NDE1: variants seen among roughly 807,000 people sequenced by gnomAD.
The protein encoded by NDE1 is nuclear distribution protein nudE homolog 1.
In NDE1, 28 loss-of-function variants were observed where a neutral mutation model predicts 43.4. The ratio of observed to expected loss-of-function variants is 0.65; its 90% confidence interval spans 0.48 to 0.89. The LOEUF is 0.89. Among genes scored for constraint, NDE1 ranks in the 40% least tolerant of loss-of-function variants. The pLI is 0.00. For missense variants in NDE1, 441 were observed against 434.1 expected, an observed-to-expected ratio of 1.02 and a Z score of -0.14; for synonymous variants, 184 against 172.0, an observed-to-expected ratio of 1.07 and a Z score of -0.55.
intron 4 of NDE1, among the ~76,000 whole-genome samples, chr16:15,678,469 A>G (rs971530770): frequency 2.6e-5 from 4 of 152,120 alleles, no homozygotes; most frequent in African/African-American, 9.7e-5. Context: ...GATTCAAGCA[A>G]TTCTCATGCC....
chr16:15,693,228 C>A (rs764850214), intron 6 of NDE1, among the ~76,000 whole-genome samples: 1 of 152,156 alleles, frequency 6.6e-6, no homozygotes, highest in Non-Finnish European at 1.5e-5. Flanking sequence ...TGGTCTTGAA[C>A]TCCTGACCTC....
At chr16:15,698,911 G>C (rs990139408) in intron 8 of NDE1, among the ~76,000 whole-genome samples, 1 of 151,972 alleles carries the variant, frequency 6.6e-6, no homozygotes, top group South Asian at 2.1e-4. Context: ...ACGAGACAGG[G>C]TTTTGCTGTG....
In NDE1 at chr16:15,718,914, G is replaced by C. The variant is rs138416045; in HGVS notation, c.948-5277G>C. The C allele has an allele frequency of 3.1e-3, 1,326 of 431,722 alleles. 14 individuals carry two copies. Among genetic ancestry groups the C allele is most frequent in the African/African-American group, 0.025 (1,261 of 49,694 alleles). 26.7% of individuals were successfully genotyped at this position (431,722 alleles called of 1,614,324 possible). On this transcript the variant is annotated intron_variant, in intron 8 of 8. Transcript: ENST00000396354. Reference sequence around the variant, plus strand: ...AGGCCAAGGTAGGAGGATCACCTAAGGTCAGGAGTTCAAGACTAGCCTGGC... The same window carrying C: ...AGGCCAAGGTAGGAGGATCACCTAACGTCAGGAGTTCAAGACTAGCCTGGC...
At chr16:15,693,903 G>A (rs1028141549) in intron 6 of NDE1, among the ~76,000 whole-genome samples, 6 of 152,282 alleles carry the variant, frequency 3.9e-5, no homozygotes, top group South Asian at 2.1e-4. Context: ...TCACATCACC[G>A]CACTCCAGTC....
chr16:15,674,292 A>G (rs544050419), intron 3 of NDE1, among the ~76,000 whole-genome samples: 10 of 152,016 alleles, frequency 6.6e-5, no homozygotes, highest in Non-Finnish European at 1.3e-4. Context: ...CGCCCAGACT[A>G]GAGAACAGTG....
rs538224201 is a variant in NDE1, at chr16:15,699,759, G to A, written c.947+2899G>A. 105 of 1,351,460 alleles carry A rather than the reference G, an allele frequency of 7.8e-5. No homozygotes were observed. The East Asian group carries it at 1.6e-3, about 21-fold the overall frequency. 83.7% of individuals were successfully genotyped at this position (1,351,460 alleles called of 1,614,324 possible). A position where few individuals can be genotyped will look rare whatever the true frequency, so the allele number is the denominator to read the frequency against. On this transcript the variant is annotated intron_variant, in intron 8 of 8. Transcript: ENST00000396354. ...GGAAGCGCCTGGAATTTGGGAAGCCGCCTTCACACATGTCTTCATCGCCGC... is the reference window on the plus strand; with the variant it reads ...GGAAGCGCCTGGAATTTGGGAAGCCACCTTCACACATGTCTTCATCGCCGC...
At chr16:15,681,283 T>TTTTTTTTC (rs1206651047) in intron 4 of NDE1, among the ~76,000 whole-genome samples, 1 of 135,660 alleles carries the variant, frequency 7.4e-6, no homozygotes, top group Non-Finnish European at 1.6e-5. Context: ...TTTTTTTTTT[T>TTTTTTTTC]GAGACTGGGC....
chr16:15,714,858 G>C, intron 8 of NDE1: 1 of 1,608,678 alleles, frequency 6.2e-7, no homozygotes, highest in Non-Finnish European at 8.5e-7. Flanking sequence ...AGCCCCCAGT[G>C]CTTTTCTCTG....
chr16:15,712,882 G>GTTTTTTTTTTGTTTTTTTTTTTT (rs2039888905), intron 8 of NDE1: 1 of 90,636 alleles, frequency 1.1e-5, no homozygotes, highest in Non-Finnish European at 2.3e-5. Flanking sequence ...TTCACATACA[G>GTTTTTTTTTTGTTTTTTTTTTTT]TTTTTTTTTT....
At chr16:15,676,817 C>G (rs1268896275) in intron 3 of NDE1, among the ~76,000 whole-genome samples, 1 of 152,128 alleles carries the variant, frequency 6.6e-6, no homozygotes, top group Non-Finnish European at 1.5e-5. Context: ...GCAAGAGCCA[C>G]CATGCCCTGC....
At chr16:15,656,355 G>A (rs1202826423) in intron 1 of NDE1, among the ~76,000 whole-genome samples, 2 of 152,102 alleles carry the variant, frequency 1.3e-5, no homozygotes, top group East Asian at 3.9e-4. Flanking sequence ...TTTCTCCTCA[G>A]TCCTTGAAAT....
At chr16:15,692,153 AG>A (rs1360155297) in intron 6 of NDE1, among the ~76,000 whole-genome samples, 1 of 152,132 alleles carries the variant, frequency 6.6e-6, no homozygotes, top group Non-Finnish European at 1.5e-5. Context: ...AATAACAGAC[AG>A]TTAAGGAGTG....
At chr16:15,687,755 T>G (rs2038513609) in intron 5 of NDE1, among the ~76,000 whole-genome samples, 1 of 152,212 alleles carries the variant, frequency 6.6e-6, no homozygotes, top group African/African-American at 2.4e-5. Context: ...GAGAAATAGC[T>G]TTGGGGTTCA....
chr16:15,724,583 G>T lies in NDE1; in HGVS notation c.*332G>T. 6.2e-7 allele frequency: 1 copy of T among 1,611,020 alleles called. No individual in the cohort carries two copies. The highest frequency in any genetic ancestry group is 8.5e-7 in the Non-Finnish European group (1 of 1,178,664). ...CAACACTCCACCGCGATCTGCCTGC[G>T]GGGGATCTCAGCGCAGAGAAGTTGA... On this transcript the variant is annotated 3_prime_UTR_variant, in exon 9 of 9. Transcript: ENST00000396354.
At chr16:15,693,503 T>G (rs1046944898) in intron 6 of NDE1, among the ~76,000 whole-genome samples, 1 of 152,178 alleles carries the variant, frequency 6.6e-6, no homozygotes, top group Non-Finnish European at 1.5e-5. Context: ...TGGGTTTGTT[T>G]AAAAAGACTA....
At chr16:15,693,627 C>G (rs912275858) in intron 6 of NDE1, among the ~76,000 whole-genome samples, 2 of 151,836 alleles carry the variant, frequency 1.3e-5, no homozygotes, top group African/African-American at 2.4e-5. Context: ...ATAGTGAGAC[C>G]CTGTCTCTAT....
chr16:15,669,543 G>A (rs2037486604), intron 3 of NDE1, among the ~76,000 whole-genome samples: 1 of 151,930 alleles, frequency 6.6e-6, no homozygotes, highest in Non-Finnish European at 1.5e-5. Context: ...TGTATTTTTA[G>A]TAGAGATGGG....
intron 8 of NDE1, chr16:15,703,876 A>G (rs2039311878): frequency 2.2e-6 from 3 of 1,383,986 alleles, no homozygotes; most frequent in Non-Finnish European, 3.1e-6. Context: ...GATTTAGACA[A>G]TGCTAAGTAC....
intron 1 of NDE1, among the ~76,000 whole-genome samples, chr16:15,650,959 C>T (rs2036472309): frequency 6.6e-6 from 1 of 152,192 alleles, no homozygotes. Flanking sequence ...GTTCAGGTTT[C>T]TTCTGACAGC....
Sources: gnomAD v4.1 joint callset for allele counts (sites outside exome capture counted in the v4.1 genomes callset) on GRCh38, gnomAD v4.1.1 for gene constraint, MANE v1.5 for transcripts, NCBI Gene and HGNC (gene_info 2026-07-23, HGNC 2026-07-21) for gene names.